Variants in SLC38A1 observed in about 807,000 individuals in gnomAD.
The protein encoded by SLC38A1 is solute carrier family 38 member 1, also known as sodium-coupled neutral amino acid symporter 1.
SLC38A1 carries 18 observed loss-of-function variants against 60.3 expected under a neutral mutation model. That is an observed-to-expected ratio of 0.30 (90% CI 0.21 to 0.44). The LOEUF (loss-of-function observed/expected upper bound fraction) is 0.44, where lower values mean the gene tolerates loss of function less well. SLC38A1 is among the 20% of genes least tolerant of loss of function. The pLI is 1.00. For missense variants in SLC38A1, 448 were observed against 587.2 expected (o/e 0.76, Z 2.45); for synonymous variants, 196 against 212.1 (o/e 0.92, Z 0.66).
In SLC38A1 at chr12:46,239,526, T is replaced by C. The variant is rs58942026; in HGVS notation, c.122+153A>G. On this transcript the variant is annotated intron_variant, in intron 3 of 16. Transcript: ENST00000398637. ...TTTTAGTAGAGACGGGGTTTCACCA[T>C]GTTGGTGGGTTTCACCATGTTGGTC... The C allele has an allele frequency of 1.2e-3, 878 of 714,648 alleles. 9 individuals are homozygous for C. The African/African-American group carries it at 0.014, about 11-fold the overall frequency. The allele number at this position is 714,648 out of a possible 1,614,324, so 44.3% of individuals were successfully genotyped here. A position where few individuals can be genotyped will look rare whatever the true frequency, so the allele number is the denominator to read the frequency against.
intron 1 of SLC38A1, among the ~76,000 whole-genome samples, chr12:46,251,814 G>A (rs190862290): frequency 0.011 from 1,719 of 151,974 alleles, 14 homozygotes; most frequent in Non-Finnish European, 0.017. Context: ...TTAGAATGGC[G>A]GTCATTTAAA....
chr12:46,207,341 C>G (rs1939954817), intron 7 of SLC38A1, 105 bp from the exon 8 acceptor site: 2 of 1,110,592 alleles, frequency 1.8e-6, no homozygotes, highest in Admixed American at 4.4e-5. Context: ...CAGTAAGACA[C>G]AAAGGCAACT....
At chr12:46,190,571 A>G (rs564542534) in intron 16 of SLC38A1, among the ~76,000 whole-genome samples, 2 of 152,214 alleles carry the variant, frequency 1.3e-5, no homozygotes, top group South Asian at 4.2e-4. Flanking sequence ...AAGTGTTCCT[A>G]TTTCTCCACA....
chr12:46,221,683 G>A (rs375497229), intron 5 of SLC38A1, among the ~76,000 whole-genome samples: 11 of 152,182 alleles, frequency 7.2e-5, no homozygotes, highest in Non-Finnish European at 1.2e-4. Context: ...GTTCTAGATC[G>A]TGTTAGCGGG....
At chr12:46,230,301 A>G (rs1038698256) in intron 3 of SLC38A1, among the ~76,000 whole-genome samples, 2 of 152,194 alleles carry the variant, frequency 1.3e-5, no homozygotes, top group African/African-American at 4.8e-5. Context: ...TGCAAACAGG[A>G]GGCTACAGGA....
At chr12:46,204,677 C>T in intron 9 of SLC38A1, 87 bp from the exon 10 acceptor site, 1 of 916,922 alleles carries the variant, frequency 1.1e-6, no homozygotes, top group South Asian at 1.7e-5. Flanking sequence ...GTTATTATTT[C>T]AAAATTCATC....
chr12:46,254,619 A>G (rs1396475770), intron 1 of SLC38A1, among the ~76,000 whole-genome samples: 1 of 152,188 alleles, frequency 6.6e-6, no homozygotes, highest in Non-Finnish European at 1.5e-5. Context: ...TGTGTAGGCA[A>G]GTATGAGGCC....
chr12:46,191,153 C>T (rs958785658), intron 16 of SLC38A1, among the ~76,000 whole-genome samples: 1 of 152,134 alleles, frequency 6.6e-6, no homozygotes, highest in African/African-American at 2.4e-5. Context: ...CTACATATGG[C>T]TAGCCAGTTT....
chr12:46,208,098 T>A (rs1249834107), intron 6 of SLC38A1, among the ~76,000 whole-genome samples: 1 of 152,202 alleles, frequency 6.6e-6, no homozygotes, highest in Non-Finnish European at 1.5e-5. Flanking sequence ...ACGTTCTAAA[T>A]GTAATAACAA....
chr12:46,238,267 T>C (rs1188130118), intron 3 of SLC38A1, among the ~76,000 whole-genome samples: 1 of 148,750 alleles, frequency 6.7e-6, no homozygotes, highest in African/African-American at 2.6e-5. Context: ...CCTAGCACAG[T>C]TGACCGTACT....
At chr12:46,220,130 C>A (rs1394788308) in intron 5 of SLC38A1, among the ~76,000 whole-genome samples, 1 of 152,240 alleles carries the variant, frequency 6.6e-6, no homozygotes, top group East Asian at 1.9e-4. Flanking sequence ...ACAAAATAGG[C>A]ACTCATTGTT....
intron 3 of SLC38A1, among the ~76,000 whole-genome samples, chr12:46,238,763 C>G (rs117736603): frequency 6.6e-6 from 1 of 152,340 alleles, no homozygotes; most frequent in East Asian, 1.9e-4. Context: ...CTGGGAGCTT[C>G]CAGGCCAGCA....
intron 5 of SLC38A1, among the ~76,000 whole-genome samples, chr12:46,225,589 C>T (rs539223717): frequency 6.8e-4 from 104 of 152,248 alleles, no homozygotes; most frequent in African/African-American, 2.5e-3. Flanking sequence ...GTGATCTGAA[C>T]AGCCAAAGAA....
intron 3 of SLC38A1, among the ~76,000 whole-genome samples, chr12:46,237,402 C>A (rs570636236): frequency 2.6e-4 from 39 of 148,826 alleles, no homozygotes; most frequent in Middle Eastern, 6.9e-3. Flanking sequence ...TAGCTTCATG[C>A]TATAACATGT....
chr12:46,204,090 T>C (rs1477504424), intron 11 of SLC38A1, among the ~76,000 whole-genome samples: 1 of 152,222 alleles, frequency 6.6e-6, no homozygotes, highest in Non-Finnish European at 1.5e-5. Flanking sequence ...AATGGGATTT[T>C]CACAGAGAAT....
intron 3 of SLC38A1, among the ~76,000 whole-genome samples, chr12:46,230,344 G>A (rs925970850): frequency 6.6e-6 from 1 of 152,164 alleles, no homozygotes; most frequent in Non-Finnish European, 1.5e-5. Flanking sequence ...GGGAGGCAAG[G>A]CATATGGTCG....
chr12:46,242,370 T>G (rs1941473993), intron 2 of SLC38A1, among the ~76,000 whole-genome samples: 1 of 152,166 alleles, frequency 6.6e-6, no homozygotes, highest in South Asian at 2.1e-4. Context: ...CACTAAGTGA[T>G]GAAGGGATTG....
chr12:46,221,005 C>A (rs1480473757), intron 5 of SLC38A1, among the ~76,000 whole-genome samples: 2 of 152,130 alleles, frequency 1.3e-5, no homozygotes, highest in African/African-American at 2.4e-5. Flanking sequence ...AATTGTAAAA[C>A]ACTAAATTTA....
intron 3 of SLC38A1, among the ~76,000 whole-genome samples, chr12:46,235,904 G>A (rs1941242432): frequency 1.3e-5 from 2 of 152,140 alleles, no homozygotes; most frequent in Non-Finnish European, 2.9e-5. Context: ...ATTTGTCTGG[G>A]TACACCTAGA....
Sources: allele counts gnomAD v4.1 joint callset (sites outside exome capture counted in the v4.1 genomes callset), GRCh38; gene constraint gnomAD v4.1.1; transcripts MANE v1.5; gene names NCBI Gene and HGNC (gene_info 2026-07-23, HGNC 2026-07-21).